The following TTC28 variants were observed in gnomAD, a reference collection of about 807,000 sequenced individuals.
TTC28 encodes tetratricopeptide repeat protein 28.
A neutral mutation model predicts 198.0 loss-of-function variants in TTC28; 61 were observed. That is an observed-to-expected ratio of 0.31 (90% CI 0.25 to 0.38). TTC28 has a LOEUF of 0.38. TTC28 is among the 10% of genes least tolerant of loss of function. The pLI is 1.00. For synonymous variants in TTC28, 1,171 were observed against 1,297.8 expected (o/e 0.90, Z 2.10); for missense variants, 2,678 against 3,164.0 (o/e 0.85, Z 3.69).
intron 2 of TTC28, among the ~76,000 whole-genome samples, chr22:28,315,184 T>C (rs2045333572): frequency 6.6e-6 from 1 of 152,180 alleles, no homozygotes; most frequent in Admixed American, 6.5e-5. Context: ...ATGTCAAGTT[T>C]AAGACTCTCA....
At chr22:28,543,361 GGAGAA>G (rs2145937898) in intron 2 of TTC28, among the ~76,000 whole-genome samples, 1 of 149,558 alleles carries the variant, frequency 6.7e-6, no homozygotes, top group East Asian at 2.0e-4. Flanking sequence ...GGAGAAGAAA[GGAGAA>G]GAGAAAGAAT....
rs926884074 is a variant in TTC28 at position 27,993,271 on chromosome 22, T to G, written c.5476+16A>C. 87 of 1,510,468 alleles carry G rather than the reference T, an allele frequency of 5.8e-5. No homozygotes were observed. The highest frequency in any genetic ancestry group is 7.4e-5 in the Non-Finnish European group (84 of 1,128,878). 93.6% of individuals were successfully genotyped at this position (1,510,468 alleles called of 1,614,324 possible). On this transcript the variant is annotated intron_variant, in intron 18 of 22. Coordinates refer to ENST00000397906, the MANE Select transcript of TTC28 (RefSeq NM_001145418.2). ...TCAGCCAGGCCTGTTGCCCCAGCCC[T>G]ACACCCACAGCTCACCCAGCAGGGA...
intron 12 of TTC28, among the ~76,000 whole-genome samples, chr22:28,090,695 C>T (rs899919423): frequency 6.6e-6 from 1 of 152,202 alleles, no homozygotes; most frequent in Non-Finnish European, 1.5e-5. Flanking sequence ...CTTACTCTCA[C>T]TGAGCATTAT....
chr22:28,608,859 A>G (rs1018391549), intron 2 of TTC28, among the ~76,000 whole-genome samples: 8 of 152,204 alleles, frequency 5.3e-5, no homozygotes, highest in Non-Finnish European at 1.2e-4. Context: ...AAGAATAGAG[A>G]TTTTAAAGAG....
chr22:28,450,062 A>G (rs1383034083), intron 2 of TTC28, among the ~76,000 whole-genome samples: 1 of 152,192 alleles, frequency 6.6e-6, no homozygotes, highest in African/African-American at 2.4e-5. Context: ...GAAGTTAAGT[A>G]GGTGGAGATA....
intron 5 of TTC28, among the ~76,000 whole-genome samples, chr22:28,269,274 T>C (rs923961878): frequency 1.3e-5 from 2 of 152,174 alleles, no homozygotes; most frequent in East Asian, 3.8e-4. Context: ...AGGATTCAAA[T>C]GCGATGTCAA....
chr22:28,428,574 C>T (rs1452326882), intron 2 of TTC28, among the ~76,000 whole-genome samples: 1 of 151,944 alleles, frequency 6.6e-6, no homozygotes, highest in Non-Finnish European at 1.5e-5. Context: ...ATATCTGAAT[C>T]TGCATCCCCC....
chr22:28,101,171 C>T lies in TTC28; in HGVS notation c.3417G>A (p.Gln1139=), dbSNP rs1477042486. The T allele has an allele frequency of 4.5e-6, 7 of 1,548,794 alleles. No individual in the cohort carries two copies. The highest frequency in any genetic ancestry group is 6.1e-6 in the Non-Finnish European group (7 of 1,145,686). The change falls in exon 9 of 23, where the codon CAG becomes CAA. Residue 1139 remains glutamine (Q), a splice_region_variant and synonymous_variant. Coordinates refer to ENST00000397906, the MANE Select transcript of TTC28 (RefSeq NM_001145418.2). ...CACTTCAGTCAGGGGTTCTGCTTAC[C>T]TGGTGTTGGGCCTCCTCCAAGTTTC... ...ASGNLEEAQH[Q]LYRASALFET... is the part of the protein sequence containing the mutation.
intron 2 of TTC28, among the ~76,000 whole-genome samples, chr22:28,403,139 AG>A (rs768400821): frequency 2.0e-5 from 3 of 152,194 alleles, no homozygotes; most frequent in Non-Finnish European, 4.4e-5. Context: ...AGTAAACAAA[AG>A]TTTACCTCAA....
Position 28,107,140 on chromosome 22 carries a change from T to C in TTC28, c.2705A>G (p.Gln902Arg), listed in dbSNP as rs1464196738. ...CAGACTCTGCGCGACAGATAAATAT[T>C]GTTCATAGTATTTGATAGCTTCCTC... ...DYEEAIKYYE[Q>R]YLSVAQSLNR... is the part of the protein sequence containing the mutation. Residue 902 changes from glutamine to arginine, a missense_variant, in exon 7 of 23, where the codon CAA (glutamine) becomes CGA (arginine). Physicochemically the swap from Gln to Arg is conservative, Grantham distance 43. This residue lies in a region of TTC28 where 775 missense variants were observed against 845.9 expected (regional missense o/e 0.92). Coordinates refer to ENST00000397906, the MANE Select transcript of TTC28 (RefSeq NM_001145418.2). The C allele has an allele frequency of 1.9e-6, 3 of 1,551,594 alleles. No individual in the cohort carries two copies. Among genetic ancestry groups the C allele is most frequent in the Non-Finnish European group, 2.6e-6 (3 of 1,147,010 alleles).
intron 2 of TTC28, among the ~76,000 whole-genome samples, chr22:28,313,802 A>G (rs2045307540): frequency 6.6e-6 from 1 of 152,204 alleles, no homozygotes; most frequent in Non-Finnish European, 1.5e-5. Context: ...AAACTGGCAC[A>G]AGACAAGGAT....
At chr22:28,537,293 AAAAATAAAAT>A (rs58235209) in intron 2 of TTC28, among the ~76,000 whole-genome samples, 3,334 of 110,290 alleles carry the variant, frequency 0.03, 132 homozygotes, top group African/African-American at 0.05. Flanking sequence ...ACTCCGTCTC[AAAAATAAAAT>A]AAAATAAAAT....
chr22:28,179,265 T>C (rs866787513), intron 5 of TTC28, among the ~76,000 whole-genome samples: 21 of 151,938 alleles, frequency 1.4e-4, no homozygotes, highest in South Asian at 1.0e-3. Context: ...GGTCACATGA[T>C]TCTCCTGCCT....
chr22:28,304,521 G>A (rs1477407706), intron 3 of TTC28, among the ~76,000 whole-genome samples: 1 of 152,158 alleles, frequency 6.6e-6, no homozygotes, highest in East Asian at 1.9e-4. Context: ...AGATATTGAA[G>A]CACTCCAGGA....
intron 2 of TTC28, among the ~76,000 whole-genome samples, chr22:28,420,356 A>T (rs895862301): frequency 1.3e-5 from 2 of 152,166 alleles, no homozygotes; most frequent in African/African-American, 2.4e-5. Flanking sequence ...CTTTAATACC[A>T]ATGAAAAATT....
chr22:28,132,672 T>C (rs2146966482), intron 6 of TTC28, among the ~76,000 whole-genome samples: 1 of 152,308 alleles, frequency 6.6e-6, no homozygotes, highest in South Asian at 2.1e-4. Context: ...AGAGCTTTAT[T>C]CAGATCATTG....
rs929084851 is a variant in TTC28, at chr22:27,984,652, C to G, written c.5815+597G>C. ...TGGATATCCCCAAACCGAATGTGTC[C>G]CAGATGGAACTCAAGCCCATTCCTC... is the stretch of plus-strand genomic sequence containing the variant. On this transcript the variant is annotated intron_variant, in intron 22 of 22. Transcript: ENST00000397906. Among the ~76,000 whole-genome samples the G allele has an allele frequency of 2.0e-5, 3 of 152,182 alleles. 1 individual carries two copies. Among genetic ancestry groups the G allele is most frequent in the Admixed American group, 2.0e-4 (3 of 15,288 alleles).
chr22:28,173,235 T>C (rs955564283), intron 5 of TTC28, among the ~76,000 whole-genome samples: 11 of 152,190 alleles, frequency 7.2e-5, no homozygotes, highest in Non-Finnish European at 1.5e-4. Context: ...TCACTTGTCT[T>C]TGTTCCTGTT....
chr22:28,341,158 T>A (rs1408859128), intron 2 of TTC28, among the ~76,000 whole-genome samples: 1 of 152,240 alleles, frequency 6.6e-6, no homozygotes, highest in Non-Finnish European at 1.5e-5. Context: ...CACTTGGTAA[T>A]TCAGATGAAT....
Sources: allele counts gnomAD v4.1 joint callset (sites outside exome capture counted in the v4.1 genomes callset), GRCh38; gene constraint gnomAD v4.1.1; regional missense constraint gnomAD v4.1.1; transcripts MANE v1.5; gene names NCBI Gene and HGNC (gene_info 2026-07-23, HGNC 2026-07-21).